PTGES3L: variants seen among roughly 807,000 people sequenced by gnomAD.
The protein encoded by PTGES3L is prostaglandin E synthase 3 like.
Under a neutral mutation model 25.0 loss-of-function variants are expected in PTGES3L, and 17 were observed. That is an observed-to-expected ratio of 0.68 (90% confidence interval 0.47 to 1.02). PTGES3L has a LOEUF of 1.02. PTGES3L is among the 50% of genes least tolerant of loss of function. PTGES3L has a pLI of 0.00. For synonymous variants in PTGES3L, 59 were observed against 65.7 expected, an observed-to-expected ratio of 0.90 and a Z score of 0.50; for missense variants, 202 against 197.5, an observed-to-expected ratio of 1.02 and a Z score of -0.14.
chr17:42,971,025 A>G (rs1424987887), intron 5 of PTGES3L, among the ~76,000 whole-genome samples: 2 of 151,666 alleles, frequency 1.3e-5, no homozygotes, highest in Non-Finnish European at 2.9e-5. Context: ...CAGGCCAGGC[A>G]TGGTGACTTA....
At chr17:42,970,433 A>G (rs1032469612) in intron 5 of PTGES3L, 91 bp from the exon 6 acceptor site, 2 of 1,420,988 alleles carry the variant, frequency 1.4e-6, no homozygotes, top group Admixed American at 3.6e-5. Context: ...GGTTGCAGCC[A>G]GAACTGGTCA....
intron 4 of PTGES3L, among the ~76,000 whole-genome samples, chr17:42,976,110 G>A (rs1248716822): frequency 2.0e-5 from 3 of 151,882 alleles, no homozygotes; most frequent in Non-Finnish European, 2.9e-5. Context: ...AGCCTCCCGA[G>A]TAGCTGGCAC....
chr17:42,969,155 C>T lies in PTGES3L; in HGVS notation c.464G>A (p.Ser155Asn), dbSNP rs1163584330. Residue 155 changes from serine to asparagine, a missense_variant, in exon 7 of 7, where the codon AGT becomes AAT. Physicochemically the swap from Ser to Asn is conservative, Grantham distance 46. Coordinates refer to ENST00000591916, the MANE Select transcript of PTGES3L (RefSeq NM_001261430.2). ...GCTTTGCGTCACAGAAAGTTAATTA[C>T]TTGTTGCATCATCAGCACTGTCAGA... ...DDSDSADDATSN is the reference protein window; with the variant it reads ...DDSDSADDATNN 6.5e-7 allele frequency: 1 copy of T among 1,541,034 alleles called. No individual in the cohort carries two copies. Among genetic ancestry groups the T allele is most frequent in the Non-Finnish European group, 8.8e-7 (1 of 1,140,718 alleles).
rs1362998842 is a variant in PTGES3L at position 42,968,985 on chromosome 17, A to G, written c.*163T>C. ...CCATAGTCAAGTGCCTAGGAGGAAG[A>G]CAAGCTTGAAGGACGACCCTTAATA... is the stretch of plus-strand genomic sequence containing the variant. On this transcript the variant is annotated 3_prime_UTR_variant, in exon 7 of 7. Transcript: ENST00000591916. 1.7e-6 allele frequency: 1 copy of G among 573,816 alleles called. No homozygotes were observed. The highest frequency in any genetic ancestry group is 3.1e-6 in the Non-Finnish European group (1 of 320,686). The allele number at this position is 573,816 out of a possible 1,614,324, so 35.5% of individuals were successfully genotyped here. A position where few individuals can be genotyped will look rare whatever the true frequency, so the allele number is the denominator to read the frequency against.
chr17:42,970,322 G>C lies in PTGES3L; in HGVS notation c.399C>G (p.Thr133=), dbSNP rs777039016. Residue 133 remains threonine, a synonymous_variant, in exon 6 of 7, where the codon ACC becomes ACG. Transcript: ENST00000591916. ...CATCCATGGCAGGTGGAGGTCTCTT[G>C]GTGCTGACCTTCTTCAAAAGCTAGT... The part of the protein sequence containing the change: ...HYAELLKKVS[T]KRPPPAMDDL... 1.1e-5 allele frequency: 17 copies of C among 1,613,750 alleles called. No homozygotes were observed. Among genetic ancestry groups the C allele is most frequent in the Middle Eastern group, 1.6e-4 (1 of 6,084 alleles).
intron 6 of PTGES3L, among the ~76,000 whole-genome samples, chr17:42,969,401 C>A: frequency 1.4e-5 from 1 of 73,008 alleles, no homozygotes; most frequent in African/African-American, 5.3e-5. Flanking sequence ...AGTTTCAGGA[C>A]TTTTTTTTTT....
intron 4 of PTGES3L, among the ~76,000 whole-genome samples, chr17:42,973,199 G>C (rs2049884145): frequency 7.0e-6 from 1 of 143,336 alleles, no homozygotes; most frequent in African/African-American, 2.6e-5. Context: ...GTGGGGGGGG[G>C]TCAGCCCCCC....
chr17:42,973,756 G>A lies in PTGES3L; in HGVS notation c.289-2060C>T, dbSNP rs1450678604. 4.7e-5 allele frequency among the ~76,000 whole-genome samples: 7 copies of A among 149,578 alleles called. No homozygotes were observed. In the South Asian group the frequency reaches 1.3e-3, roughly 28 times the overall value. Reference sequence around the variant, plus strand: ...ACTCAGGGTTAAATGGGTTAAGGGCGGTGCAAGATGTGCTTTGTTAAACAG... The same window carrying A: ...ACTCAGGGTTAAATGGGTTAAGGGCAGTGCAAGATGTGCTTTGTTAAACAG... On this transcript the variant is annotated intron_variant, in intron 4 of 6. Coordinates refer to ENST00000591916, the MANE Select transcript of PTGES3L (RefSeq NM_001261430.2).
intron 4 of PTGES3L, among the ~76,000 whole-genome samples, chr17:42,974,431 A>G (rs1217887928): frequency 6.6e-6 from 1 of 151,916 alleles, no homozygotes; most frequent in East Asian, 1.9e-4. Context: ...CCATGTTCCA[A>G]AGTTTCCACA....
At chr17:42,970,875 C>T (rs1017159768) in intron 5 of PTGES3L, among the ~76,000 whole-genome samples, 5 of 151,598 alleles carry the variant, frequency 3.3e-5, no homozygotes, top group African/African-American at 7.3e-5. Flanking sequence ...GGGGTGGTGG[C>T]GCATGCCTGT....
rs2049779814 is a variant in PTGES3L, at chr17:42,968,924, A to G, written c.*224T>C. On this transcript the variant is annotated 3_prime_UTR_variant, in exon 7 of 7. Transcript: ENST00000591916. ...TCAGTAAGAAATCAGAAGCCCTACC[A>G]GTCTACCCCTCCCCGACCCTGCATC... 2.0e-6 allele frequency: 1 copy of G among 489,180 alleles called. No homozygotes were observed. The highest frequency in any genetic ancestry group is 4.0e-5 in the South Asian group (1 of 24,898). 30.3% of individuals were successfully genotyped at this position (489,180 alleles called of 1,614,324 possible).
chr17:42,977,046 C>G (rs2049966998), intron 4 of PTGES3L, among the ~76,000 whole-genome samples: 1 of 152,130 alleles, frequency 6.6e-6, no homozygotes, highest in East Asian at 1.9e-4. Flanking sequence ...ATTCCAGCAC[C>G]CTGGGAGGCT....
rs770339221 is a variant in PTGES3L, at chr17:42,979,415, TACA to T, written c.149_151del (p.Leu50del). ...TTTGGCATAGAACTCAATCTCATTG[TACA>T]ACTCCACTCCATCGGCATTCTTGCA... is the stretch of plus-strand genomic sequence containing the variant. On this transcript the variant is annotated inframe_deletion, in exon 3 of 7. Transcript: ENST00000591916. 1.2e-6 allele frequency: 2 copies of T among 1,614,046 alleles called. No homozygotes were observed. The highest frequency in any genetic ancestry group is 2.7e-5 in the African/African-American group (2 of 74,922).
At chr17:42,973,254 C>G (rs2049888045) in intron 4 of PTGES3L, among the ~76,000 whole-genome samples, 1 of 150,102 alleles carries the variant, frequency 6.7e-6, no homozygotes, top group African/African-American at 2.4e-5. Context: ...GGGGGTCAGC[C>G]CCCCGCCCGG....
chr17:42,968,852 A>T lies in PTGES3L; in HGVS notation c.*296T>A, dbSNP rs2049778333. On this transcript the variant is annotated 3_prime_UTR_variant, in exon 7 of 7. Coordinates refer to ENST00000591916, the MANE Select transcript of PTGES3L (RefSeq NM_001261430.2). ...GGCTTTTGTTTTGCCACATACACACACATACTCAAATAATCAAGTGGCCTA... is the reference window on the plus strand; with the variant it reads ...GGCTTTTGTTTTGCCACATACACACTCATACTCAAATAATCAAGTGGCCTA... The T allele has an allele frequency of 8.1e-6, 3 of 372,114 alleles. No homozygotes were observed. Among genetic ancestry groups the T allele is most frequent in the Non-Finnish European group, 1.5e-5 (3 of 205,728 alleles). The allele number at this position is 372,114 out of a possible 1,614,324, so 23.1% of individuals were successfully genotyped here.
rs553271856 is a variant in PTGES3L, at chr17:42,979,851, T to C, written c.9-188A>G. ...GTGGTGAATGTGAACCTGGGAAGAA[T>C]AGAACGTGCAAGACTAGGAAACTAG... On this transcript the variant is annotated intron_variant, in intron 1 of 6. Coordinates refer to ENST00000591916, the MANE Select transcript of PTGES3L (RefSeq NM_001261430.2). 6.6e-5 allele frequency: 95 copies of C among 1,442,174 alleles called. No individual in the cohort carries two copies. In the African/African-American group the frequency reaches 1.2e-3, roughly 18 times the overall value. 89.3% of individuals were successfully genotyped at this position (1,442,174 alleles called of 1,614,324 possible). A position where few individuals can be genotyped will look rare whatever the true frequency, so the allele number is the denominator to read the frequency against.
chr17:42,975,709 C>T (rs1443948479), intron 4 of PTGES3L, among the ~76,000 whole-genome samples: 1 of 152,156 alleles, frequency 6.6e-6, no homozygotes, highest in Non-Finnish European at 1.5e-5. Flanking sequence ...CAGAGTCTCA[C>T]TCTGTCATCC....
Position 42,968,882 on chromosome 17 carries a change from CAG to C in PTGES3L, c.*264_*265del. On this transcript the variant is annotated 3_prime_UTR_variant, in exon 7 of 7. Transcript: ENST00000591916. ...CTCAAATAATCAAGTGGCCTAAACA[CAG>C]AGATTAGAAACCAATCAGTAAGAAA... The C allele has an allele frequency of 2.3e-6, 1 of 432,870 alleles. No homozygotes were observed. Among genetic ancestry groups the C allele is most frequent in the Non-Finnish European group, 4.1e-6 (1 of 241,792 alleles). 26.8% of individuals were successfully genotyped at this position (432,870 alleles called of 1,614,324 possible). A position where few individuals can be genotyped will look rare whatever the true frequency, so the allele number is the denominator to read the frequency against.
At chr17:42,977,793 C>A (rs1056430918) in intron 4 of PTGES3L, among the ~76,000 whole-genome samples, 1 of 151,860 alleles carries the variant, frequency 6.6e-6, no homozygotes. Flanking sequence ...CAAGAATTGG[C>A]AGAGGCCGGG....
Sources: allele counts gnomAD v4.1 joint callset (sites outside exome capture counted in the v4.1 genomes callset), GRCh38; gene constraint gnomAD v4.1.1; transcripts MANE v1.5; gene names NCBI Gene and HGNC (gene_info 2026-07-23, HGNC 2026-07-21).